LDAH: variants seen among roughly 807,000 people sequenced by gnomAD.
LDAH encodes the protein lipid droplet-associated hydrolase.
In LDAH, 26 loss-of-function variants were observed where a neutral mutation model predicts 29.6. The ratio of observed to expected loss-of-function variants is 0.88; its 90% confidence interval spans 0.64 to 1.22. The LOEUF is 1.22. LDAH is among the 50% of genes most tolerant of loss of function. The probability of loss-of-function intolerance (pLI) is 0.00; values close to 1 mark genes in which losing one functional copy is unlikely to be tolerated. For missense variants in LDAH, 344 were observed against 387.3 expected, an observed-to-expected ratio of 0.89 and a Z score of 0.94; for synonymous variants, 117 against 133.0, an observed-to-expected ratio of 0.88 and a Z score of 0.83.
intron 4 of LDAH, among the ~76,000 whole-genome samples, chr2:20,754,500 C>CAAAAAAAAAAAAAAAAAAAA (rs61076745): frequency 1.3e-5 from 1 of 77,438 alleles, no homozygotes. Context: ...ACCCTCGCCA[C>CAAAAAAAAAAAAAAAAAAAA]AAAAAAAAAA....
At chr2:20,718,985 T>G (rs1665447115) in intron 5 of LDAH, among the ~76,000 whole-genome samples, 1 of 151,612 alleles carries the variant, frequency 6.6e-6, no homozygotes, top group Non-Finnish European at 1.5e-5. Flanking sequence ...GGAAACACAA[T>G]ATACCAGAAC....
At chr2:20,777,540 T>G (rs1271404515) in intron 3 of LDAH, among the ~76,000 whole-genome samples, 1 of 152,116 alleles carries the variant, frequency 6.6e-6, no homozygotes, top group Non-Finnish European at 1.5e-5. Flanking sequence ...TTCTCATGAC[T>G]CCCAAGTAGC....
chr2:20,765,594 A>T (rs1668976211), intron 4 of LDAH, among the ~76,000 whole-genome samples: 1 of 152,084 alleles, frequency 6.6e-6, no homozygotes, highest in Non-Finnish European at 1.5e-5. Flanking sequence ...GCTCAGTTGG[A>T]TGGTTCTTTT....
At chr2:20,737,293 GC>G (rs1666856643) in intron 5 of LDAH, among the ~76,000 whole-genome samples, 1 of 152,134 alleles carries the variant, frequency 6.6e-6, no homozygotes, top group African/African-American at 2.4e-5. Flanking sequence ...TTAGTACTTA[GC>G]AGGAGAAATA....
At chr2:20,754,500 CAAAA>C (rs61076745) in intron 4 of LDAH, among the ~76,000 whole-genome samples, 3 of 77,438 alleles carry the variant, frequency 3.9e-5, no homozygotes, top group Non-Finnish European at 6.9e-5. Context: ...ACCCTCGCCA[CAAAA>C]AAAAAAAAAA....
intron 4 of LDAH, among the ~76,000 whole-genome samples, chr2:20,758,290 TAACTA>T (rs1402343331): frequency 1.3e-5 from 2 of 152,176 alleles, no homozygotes; most frequent in Admixed American, 1.3e-4. Context: ...GAGTTTAAAA[TAACTA>T]TAATATGATC....
chr2:20,818,350 G>C (rs1223317893), intron 1 of LDAH, among the ~76,000 whole-genome samples: 1 of 152,016 alleles, frequency 6.6e-6, no homozygotes, highest in African/African-American at 2.4e-5. Context: ...GTATGAAAGG[G>C]GAAAATTGGG....
chr2:20,722,158 C>T (rs1299971397), intron 5 of LDAH, among the ~76,000 whole-genome samples: 1 of 151,982 alleles, frequency 6.6e-6, no homozygotes, highest in East Asian at 1.9e-4. Flanking sequence ...GGCGGATCAC[C>T]TGAGGTCAGG....
intron 5 of LDAH, among the ~76,000 whole-genome samples, chr2:20,719,934 A>G (rs988499291): frequency 2.0e-5 from 3 of 152,016 alleles, no homozygotes; most frequent in African/African-American, 7.2e-5. Flanking sequence ...CATAATAAAA[A>G]CTCTCAACAA....
chr2:20,812,744 G>C (rs1672580655), intron 1 of LDAH, among the ~76,000 whole-genome samples: 1 of 152,202 alleles, frequency 6.6e-6, no homozygotes, highest in Admixed American at 6.5e-5. Context: ...TTTCAAGAAA[G>C]TGGCAGGATG....
intron 5 of LDAH, among the ~76,000 whole-genome samples, chr2:20,724,638 T>C (rs1379124028): frequency 6.6e-6 from 1 of 152,180 alleles, no homozygotes; most frequent in Non-Finnish European, 1.5e-5. Flanking sequence ...GATGAATAAC[T>C]GAAGGCCAGA....
chr2:20,682,585 C>G (rs1364765007), downstream of LDAH, among the ~76,000 whole-genome samples: 1 of 152,202 alleles, frequency 6.6e-6, no homozygotes, highest in Non-Finnish European at 1.5e-5. Flanking sequence ...GTGCTACATC[C>G]TCCCTGGCAA....
intron 3 of LDAH, among the ~76,000 whole-genome samples, chr2:20,783,868 C>T (rs1343774763): frequency 2.0e-5 from 3 of 152,110 alleles, no homozygotes; most frequent in East Asian, 1.9e-4. Context: ...CGTGCCAGCA[C>T]GCCTGACTAA....
At chr2:20,745,600 T>C (rs1208510045) in intron 4 of LDAH, among the ~76,000 whole-genome samples, 4 of 152,220 alleles carry the variant, frequency 2.6e-5, no homozygotes. Flanking sequence ...CCACAATATA[T>C]GCTTATTTCC....
chr2:20,704,007 A>T (rs138764747), intron 5 of LDAH, among the ~76,000 whole-genome samples: 1 of 152,216 alleles, frequency 6.6e-6, no homozygotes, highest in East Asian at 1.9e-4. Flanking sequence ...AAGTCTGTGC[A>T]GTGACAGAGG....
rs1662437467 is a variant in LDAH at position 20,684,668 on chromosome 2, CCA to C, written c.*2233_*2234del. ...GGCCATGGACATCAGGCCACACAAG[CCA>C]CAGAGGGCTTGTGGAGATGCTTATG... On this transcript the variant is annotated 3_prime_UTR_variant, in exon 7 of 7. Transcript: ENST00000237822. The C allele has an allele frequency of 1.5e-5, 7 of 461,136 alleles. No homozygotes were observed. In the East Asian group the frequency reaches 2.5e-4, roughly 16 times the overall value. The allele number at this position is 461,136 out of a possible 1,614,324, so 28.6% of individuals were successfully genotyped here.
intron 6 of LDAH, among the ~76,000 whole-genome samples, chr2:20,700,689 T>C (rs1558389279): frequency 6.6e-6 from 1 of 152,200 alleles, no homozygotes; most frequent in Non-Finnish European, 1.5e-5. Context: ...AATTTTAGAA[T>C]TTCCTAGTTA....
rs781515278 is a variant in LDAH, at chr2:20,790,258, C to G, written c.295G>C (p.Glu99Gln). The G allele has an allele frequency of 1.9e-6, 3 of 1,614,000 alleles. No homozygotes were observed. The highest frequency in any genetic ancestry group is 2.5e-6 in the Non-Finnish European group (3 of 1,179,992). ...GTAGATATTAACAAGGACATACCCT[C>G]TGATGTTGTAAGAATCTTCTTGTCT... ...PKDKKILTTSEDSNAQEIKDI... is the reference protein window; with the variant it reads ...PKDKKILTTSQDSNAQEIKDI... The change falls in exon 3 of 7, where the codon GAG becomes CAG. Residue 99 changes from glutamate to glutamine, a missense_variant. By Grantham distance (29) the Glu-to-Gln change is conservative (BLOSUM62 2). Coordinates refer to ENST00000237822, the MANE Select transcript of LDAH (RefSeq NM_021925.4).
chr2:20,687,447 T>G (rs541839958), intron 6 of LDAH, among the ~76,000 whole-genome samples: 1 of 152,376 alleles, frequency 6.6e-6, no homozygotes, highest in East Asian at 1.9e-4. Flanking sequence ...ACATAGTCAC[T>G]GAATGACTAG....
Sources: gnomAD v4.1 joint callset for allele counts (sites outside exome capture counted in the v4.1 genomes callset) on GRCh38, gnomAD v4.1.1 for gene constraint, MANE v1.5 for transcripts, NCBI Gene and HGNC (gene_info 2026-07-23, HGNC 2026-07-21) for gene names.